The following BBOX1 variants were observed in gnomAD, a reference collection of about 807,000 sequenced individuals.
BBOX1 encodes the protein gamma-butyrobetaine dioxygenase.
In BBOX1, 35 loss-of-function variants were observed where a neutral mutation model predicts 41.6. The ratio of observed to expected loss-of-function variants is 0.84; its 90% CI spans 0.64 to 1.11. The LOEUF (loss-of-function observed/expected upper bound fraction) is 1.11. Ranked by LOEUF, BBOX1 falls within the 50% of genes most tolerant of loss-of-function variation. The pLI is 0.00. For synonymous variants in BBOX1, 163 were observed against 154.7 expected, an observed-to-expected ratio of 1.05 and a Z score of -0.40; for missense variants, 458 against 460.6, an observed-to-expected ratio of 0.99 and a Z score of 0.05.
At chr11:27,046,676 C>G (rs1851496845) in intron 2 of BBOX1, among the ~76,000 whole-genome samples, 1 of 152,038 alleles carries the variant, frequency 6.6e-6, no homozygotes, top group Non-Finnish European at 1.5e-5. Flanking sequence ...TCAAAGACAT[C>G]CCACTGATAA....
intron 5 of BBOX1, among the ~76,000 whole-genome samples, chr11:27,102,193 G>A (rs1202050989): frequency 6.6e-6 from 1 of 152,030 alleles, no homozygotes; most frequent in Non-Finnish European, 1.5e-5. Flanking sequence ...ACAGTGCTAA[G>A]GATGCATGTG....
rs559204464 is a variant in BBOX1, at chr11:27,097,952, C to T, written c.533+4586C>T. Among the ~76,000 whole-genome samples, 17 of 152,132 alleles carry T rather than the reference C, an allele frequency of 1.1e-4. No individual in the cohort carries two copies. The East Asian group carries it at 2.5e-3, about 23-fold the overall frequency. On this transcript the variant is annotated intron_variant, in intron 5 of 8. Transcript: ENST00000263182. ...CAAGCTAATCCAACTCAGACACATG[C>T]CATTTCTATGACATGCCATTCTTCC...
chr11:27,104,740 G>T (rs1051775493), intron 5 of BBOX1, among the ~76,000 whole-genome samples: 3 of 152,156 alleles, frequency 2.0e-5, no homozygotes, highest in Admixed American at 2.0e-4. Flanking sequence ...TTTGAAGAGA[G>T]TAGTGGTTCT....
At chr11:27,047,402 T>C (rs1018234667) in intron 2 of BBOX1, 5 of 152,164 alleles carry the variant, frequency 3.3e-5, no homozygotes, top group South Asian at 2.1e-4. Flanking sequence ...CAGATGTCTA[T>C]AGGAGTGATC....
Position 27,072,477 on chromosome 11 carries a change from G to A in BBOX1, c.334+15162G>A, listed in dbSNP as rs140140660. ...CTCATGGACAGGAAGAATCAATATC[G>A]TGAAAATGGCCATGCTGCCCAAGGT... On this transcript the variant is annotated intron_variant, in intron 4 of 8. Coordinates refer to ENST00000263182, the MANE Select transcript of BBOX1 (RefSeq NM_003986.3). Among the ~76,000 whole-genome samples, 1,188 of 152,214 alleles carry A rather than the reference G, an allele frequency of 7.8e-3. 18 individuals are homozygous for A. The highest frequency in any genetic ancestry group is 0.027 in the African/African-American group (1,103 of 41,548).
rs201043491 is a variant in BBOX1 at position 27,125,668 on chromosome 11, G to T, written c.851G>T (p.Gly284Val). 229 of 1,567,990 alleles carry T rather than the reference G, an allele frequency of 1.5e-4. No homozygotes were observed. The highest frequency in any genetic ancestry group is 3.8e-5 in the Non-Finnish European group (44 of 1,156,350). Residue 284 changes from glycine (G) to valine (V), a missense_variant, in exon 8 of 9, where the codon GGC becomes GTC. Physicochemically the swap from Gly to Val is moderately radical, Grantham distance 109. Coordinates refer to ENST00000263182, the MANE Select transcript of BBOX1 (RefSeq NM_003986.3). ...TAATAAAACAGGTTAGATGATAAAG[G>T]CCAAGTGGTTCGCATCAACTTCAAT... Reference protein sequence around the residue: ...KHKIIELDDKGQVVRINFNNA... With the variant: ...KHKIIELDDKVQVVRINFNNA...
At chr11:27,062,130 T>C (rs1054332585) in intron 4 of BBOX1, among the ~76,000 whole-genome samples, 6 of 152,114 alleles carry the variant, frequency 3.9e-5, no homozygotes, top group African/African-American at 1.4e-4. Flanking sequence ...CAGGCAAAGA[T>C]AGATAGAAAG....
At chr11:27,111,079 G>A (rs1175340552) in intron 5 of BBOX1, among the ~76,000 whole-genome samples, 1 of 151,460 alleles carries the variant, frequency 6.6e-6, no homozygotes. Context: ...TAACTTTTAA[G>A]CTAAGGTATT....
intron 4 of BBOX1, among the ~76,000 whole-genome samples, chr11:27,069,109 T>C (rs1300122487): frequency 6.6e-6 from 1 of 152,080 alleles, no homozygotes; most frequent in African/African-American, 2.4e-5. Context: ...TTTCTAATTC[T>C]GGGAAGAATA....
At chr11:27,122,073 G>A (rs1859484631) in intron 7 of BBOX1, among the ~76,000 whole-genome samples, 1 of 151,944 alleles carries the variant, frequency 6.6e-6, no homozygotes, top group African/African-American at 2.4e-5. Context: ...GTTAACAGAG[G>A]GCCTCCATCT....
chr11:27,044,533 C>G (rs184358830), intron 2 of BBOX1, among the ~76,000 whole-genome samples: 1 of 152,192 alleles, frequency 6.6e-6, no homozygotes, highest in Non-Finnish European at 1.5e-5. Flanking sequence ...AATGATATTG[C>G]CTAGGTTTTC....
chr11:27,090,081 C>A (rs1858186925), intron 4 of BBOX1, among the ~76,000 whole-genome samples: 1 of 151,938 alleles, frequency 6.6e-6, no homozygotes, highest in Admixed American at 6.6e-5. Flanking sequence ...TGAAATCAAT[C>A]CCGTTTTCTT....
intron 4 of BBOX1, 75 bp from the exon 5 acceptor site, chr11:27,093,093 C>A: frequency 4.4e-6 from 6 of 1,366,544 alleles, no homozygotes; most frequent in Non-Finnish European, 6.1e-6. Context: ...AATGAACTAG[C>A]CCCTTCTCTG....
intron 4 of BBOX1, 135 bp downstream of exon 4, chr11:27,057,450 TAA>T: frequency 1.4e-6 from 1 of 692,728 alleles, no homozygotes; most frequent in East Asian, 2.9e-5. Context: ...GTGGTGTATT[TAA>T]AGTTTTACCG....
intron 5 of BBOX1, among the ~76,000 whole-genome samples, chr11:27,101,001 A>G (rs996651518): frequency 2.0e-5 from 3 of 152,070 alleles, no homozygotes; most frequent in Non-Finnish European, 4.4e-5. Flanking sequence ...TACACTCATT[A>G]TTTTGAATCT....
chr11:27,065,844 T>G (rs953542220), intron 4 of BBOX1, among the ~76,000 whole-genome samples: 1 of 152,212 alleles, frequency 6.6e-6, no homozygotes, highest in Admixed American at 6.5e-5. Context: ...TCAAAAATTA[T>G]TTTCTCATTA....
At chr11:27,073,295 AAC>A (rs1857519367) in intron 4 of BBOX1, among the ~76,000 whole-genome samples, 1 of 152,256 alleles carries the variant, frequency 6.6e-6, no homozygotes. Context: ...TTATGCAGCC[AAC>A]AGTCACATGA....
intron 5 of BBOX1, among the ~76,000 whole-genome samples, chr11:27,101,251 A>T (rs1296293481): frequency 1.3e-5 from 2 of 152,204 alleles, no homozygotes; most frequent in East Asian, 3.8e-4. Context: ...TATCAAATTA[A>T]GTAGAATGAC....
At chr11:27,121,247 A>T (rs1859453787) in intron 7 of BBOX1, among the ~76,000 whole-genome samples, 1 of 152,142 alleles carries the variant, frequency 6.6e-6, no homozygotes, top group South Asian at 2.1e-4. Context: ...CAAGGAGACC[A>T]GTGTGACTGG....
Sources: allele counts gnomAD v4.1 joint callset (sites outside exome capture counted in the v4.1 genomes callset), GRCh38; gene constraint gnomAD v4.1.1; transcripts MANE v1.5; gene names NCBI Gene and HGNC (gene_info 2026-07-23, HGNC 2026-07-21).